The following WDR20 variants were observed in gnomAD, a reference collection of about 807,000 sequenced individuals.
The protein encoded by WDR20 is WD repeat-containing protein 20.
A neutral mutation model predicts 38.7 loss-of-function variants in WDR20; 3 were observed. The observed-to-expected ratio is 0.08, with a 90% CI of 0.04 to 0.20. The LOEUF is 0.20. WDR20 is among the 10% of genes least tolerant of loss of function. The probability of loss-of-function intolerance (pLI) is 1.00; values close to 1 mark genes in which losing one functional copy is unlikely to be tolerated. For synonymous variants in WDR20, 298 were observed against 285.6 expected, an observed-to-expected ratio of 1.04 and a Z score of -0.44; for missense variants, 559 against 727.7, an observed-to-expected ratio of 0.77 and a Z score of 2.67.
chr14:102,197,968 C>T (rs944857824), intron 2 of WDR20: 3 of 574,598 alleles, frequency 5.2e-6, no homozygotes, highest in Non-Finnish European at 9.4e-6. Flanking sequence ...CCTCCTGTGA[C>T]CCCTCTCAGG....
At chr14:102,193,421 C>T (rs746248349) in intron 1 of WDR20, 4 of 1,592,944 alleles carry the variant, frequency 2.5e-6, no homozygotes, top group Admixed American at 3.3e-5. Flanking sequence ...TTACACTTTT[C>T]AAGGCTCTTT....
At position 102,221,404 on chromosome 14, in the gene WDR20, G is replaced by A. The variant is rs1302637836; in HGVS notation, c.1693-1426G>A. ...GTGATGAAGGCAGAGTGTCCTGTGT[G>A]AGAGGCTTCCTTCCTCCAGACTGTC... is the stretch of plus-strand genomic sequence containing the variant. On this transcript the variant is annotated intron_variant, in intron 3 of 3. Transcript: ENST00000335263. This position sits in a 1 kb window ranked among gnomAD's most constrained non-coding sequence, Gnocchi z 4.8. Among the ~76,000 whole-genome samples the A allele has an allele frequency of 6.6e-6, 1 of 152,228 alleles. No individual in the cohort carries two copies. The highest frequency in any genetic ancestry group is 1.9e-4 in the East Asian group (1 of 5,198).
At chr14:102,204,567 T>C (rs1039334477) in intron 2 of WDR20, among the ~76,000 whole-genome samples, 1 of 152,174 alleles carries the variant, frequency 6.6e-6, no homozygotes, top group Non-Finnish European at 1.5e-5. Flanking sequence ...CACTCAATAC[T>C]GGATGGATGG....
chr14:102,171,401 C>CT (rs1238600122), intron 1 of WDR20: 1 of 151,230 alleles, frequency 6.6e-6, no homozygotes, highest in African/African-American at 2.4e-5. Context: ...GTAGCTGGGA[C>CT]TACAGGCATG....
intron 2 of WDR20, among the ~76,000 whole-genome samples, chr14:102,199,611 C>T (rs1047728441): frequency 4.6e-5 from 7 of 152,140 alleles, no homozygotes; most frequent in East Asian, 1.9e-4. Context: ...TGTTACCACA[C>T]GTGCACACAC....
At chr14:102,195,215 G>A (rs2059208121) in intron 2 of WDR20, 95 bp downstream of exon 2, 2 of 1,412,940 alleles carry the variant, frequency 1.4e-6, no homozygotes, top group Non-Finnish European at 1.9e-6. Context: ...TTCAAGCTAA[G>A]CCCATTTTTT....
At chr14:102,213,868 A>T, downstream of WDR20, 1 of 985,462 alleles carries the variant, frequency 1.0e-6, no homozygotes, top group South Asian at 4.7e-5. Flanking sequence ...GAAGGGATCC[A>T]CGGAAACCCA....
intron 2 of WDR20, chr14:102,198,154 A>C (rs1235845916): frequency 3.1e-5 from 5 of 162,038 alleles, no homozygotes; most frequent in Non-Finnish European, 6.6e-5. Context: ...TATGAGACAG[A>C]GTCTTACTCT....
intron 2 of WDR20, 84 bp downstream of exon 2, chr14:102,195,204 C>A: frequency 6.8e-7 from 1 of 1,479,002 alleles, no homozygotes; most frequent in Non-Finnish European, 9.2e-7. Flanking sequence ...TTATTTTGCA[C>A]TTCAAGCTAA....
intron 1 of WDR20, among the ~76,000 whole-genome samples, chr14:102,191,525 A>G (rs2066423092): frequency 6.6e-6 from 1 of 152,228 alleles, no homozygotes; most frequent in Non-Finnish European, 1.5e-5. Flanking sequence ...GTGCTTGGAC[A>G]TGAAGGCAGG....
chr14:102,203,421 A>G (rs970825664), intron 2 of WDR20, among the ~76,000 whole-genome samples: 9 of 152,192 alleles, frequency 5.9e-5, no homozygotes, highest in African/African-American at 2.2e-4. Context: ...TTACACTGAC[A>G]GCACATTCCA....
downstream of WDR20, among the ~76,000 whole-genome samples, chr14:102,212,184 TCCC>T (rs1457732883): frequency 6.6e-6 from 1 of 152,162 alleles, no homozygotes; most frequent in Non-Finnish European, 1.5e-5. Flanking sequence ...TGTGTCTTTC[TCCC>T]CCCACCTCCA....
intron 1 of WDR20, among the ~76,000 whole-genome samples, chr14:102,147,811 A>C (rs1015954468): frequency 7.9e-5 from 12 of 152,072 alleles, no homozygotes; most frequent in African/African-American, 2.9e-4. Flanking sequence ...GTTCACTGCA[A>C]CCTCTGCCTC....
downstream of WDR20, among the ~76,000 whole-genome samples, chr14:102,215,505 C>T (rs1439692557): frequency 1.3e-5 from 2 of 152,092 alleles, no homozygotes; most frequent in East Asian, 3.8e-4. Context: ...GCTGAACGTG[C>T]AGGTTTGTTA....
At chr14:102,197,476 G>T (rs573369910) in intron 2 of WDR20, among the ~76,000 whole-genome samples, 20 of 152,362 alleles carry the variant, frequency 1.3e-4, no homozygotes, top group African/African-American at 3.6e-4. Context: ...TTTGATGTGG[G>T]TCTTAAAGGG....
In WDR20 at chr14:102,209,845, G is replaced by A. The variant is rs766605234; in HGVS notation, c.1675G>A (p.Gly559Arg). 3 of 1,612,848 alleles carry A rather than the reference G, an allele frequency of 1.9e-6. No individual in the cohort carries two copies. The highest frequency in any genetic ancestry group is 3.3e-5 in the Admixed American group (2 of 59,986). ...ACQEGFICTW[G>R]RPGKVVSFNP is the part of the protein sequence containing the mutation. Reference sequence around the variant, plus strand: ...TCAGGAGGGATTTATTTGCACATGGGGAAGGCCTGGTAAAGTGGTAAGTTT... The same window carrying A: ...TCAGGAGGGATTTATTTGCACATGGAGAAGGCCTGGTAAAGTGGTAAGTTT... Residue 559 changes from glycine (G) to arginine (R), a missense_variant, in exon 3 of 3, where the codon GGA becomes AGA. Coordinates refer to ENST00000342702, the MANE Select transcript of WDR20 (RefSeq NM_144574.4). The surrounding 1 kb of genome is among the most constrained non-coding windows in gnomAD (Gnocchi z 6.0).
At chr14:102,162,820 C>A (rs2059031953) in intron 1 of WDR20, among the ~76,000 whole-genome samples, 2 of 152,110 alleles carry the variant, frequency 1.3e-5, no homozygotes, top group Admixed American at 1.3e-4. Flanking sequence ...CCGTGTAGCC[C>A]AGGCTGGTCT....
In WDR20 at chr14:102,209,480, A is replaced by C. The variant is rs747620730; in HGVS notation, c.1310A>C (p.His437Pro). Residue 437 changes from histidine (H) to proline (P), a missense_variant, in exon 3 of 3, where the codon CAT (histidine) becomes CCT (proline). Physicochemically the swap from His to Pro is moderately conservative, Grantham distance 77. Coordinates refer to ENST00000342702, the MANE Select transcript of WDR20 (RefSeq NM_144574.4). This position sits in a 1 kb window ranked among gnomAD's most constrained non-coding sequence, Gnocchi z 6.0. ...CTGCCACGGTCCAACAGCCTTCCAC[A>C]TTCAGCAGTCTCAAATGCTGGCAGC... ...PPLPRSNSLPHSAVSNAGSKS... is the reference protein window; with the variant it reads ...PPLPRSNSLPPSAVSNAGSKS... 5.0e-6 allele frequency: 8 copies of C among 1,614,072 alleles called. No individual in the cohort carries two copies. Among genetic ancestry groups the C allele is most frequent in the Non-Finnish European group, 6.8e-6 (8 of 1,180,046 alleles).
chr14:102,163,627 C>CAAAAAA (rs58628061), intron 1 of WDR20, among the ~76,000 whole-genome samples: 3,604 of 61,698 alleles, frequency 0.058, 618 homozygotes, highest in African/African-American at 0.1. Context: ...GACTCTGTCT[C>CAAAAAA]AAAAAAAAAA....
Sources: allele counts gnomAD v4.1 joint callset (sites outside exome capture counted in the v4.1 genomes callset), GRCh38; gene constraint gnomAD v4.1.1; non-coding constraint Gnocchi (gnomAD v3.1); transcripts MANE v1.5; gene names NCBI Gene and HGNC (gene_info 2026-07-23, HGNC 2026-07-21).